DMGDH: variants seen among roughly 807,000 people sequenced by gnomAD.
DMGDH encodes the protein dimethylglycine dehydrogenase.
In DMGDH, 76 loss-of-function variants were observed where a neutral mutation model predicts 95.2. The ratio of observed to expected loss-of-function variants is 0.80; its 90% CI spans 0.66 to 0.97. The LOEUF is 0.97. Ranked by LOEUF, DMGDH falls within the 50% of genes least tolerant of loss-of-function variation. The pLI is 0.00. For missense variants in DMGDH, 987 were observed against 1,055.0 expected, an observed-to-expected ratio of 0.94 and a Z score of 0.89; for synonymous variants, 345 against 377.6, an observed-to-expected ratio of 0.91 and a Z score of 1.00.
chr5:79,043,345 G>A (rs550861923), intron 6 of DMGDH, among the ~76,000 whole-genome samples: 28 of 152,336 alleles, frequency 1.8e-4, no homozygotes, highest in Admixed American at 5.9e-4. Flanking sequence ...GAACAGCAGA[G>A]AGGGAGGCTC....
intron 12 of DMGDH, among the ~76,000 whole-genome samples, chr5:79,027,790 AAT>A (rs939922628): frequency 4.6e-5 from 7 of 151,872 alleles, no homozygotes; most frequent in African/African-American, 1.7e-4. Context: ...AATGTTCACA[AAT>A]AGAGTTGGCT....
At chr5:79,018,780 T>C (rs1376122631) in intron 14 of DMGDH, among the ~76,000 whole-genome samples, 1 of 152,220 alleles carries the variant, frequency 6.6e-6, no homozygotes, top group Non-Finnish European at 1.5e-5. Flanking sequence ...AGCAGTCAGC[T>C]AAACTTCACA....
chr5:79,033,165 G>T, intron 8 of DMGDH, 74 bp downstream of exon 8: 1 of 1,579,090 alleles, frequency 6.3e-7, no homozygotes. Flanking sequence ...ATAGAATAAA[G>T]ACCATCTAAA....
At chr5:79,068,694 C>G (rs1331912609) in intron 1 of DMGDH, among the ~76,000 whole-genome samples, 1 of 152,248 alleles carries the variant, frequency 6.6e-6, no homozygotes, top group African/African-American at 2.4e-5. Context: ...GATAAACAAG[C>G]CTTTCCTGGC....
intron 3 of DMGDH, among the ~76,000 whole-genome samples, 169 bp downstream of exon 3, chr5:79,055,641 T>C (rs2112664736): frequency 6.6e-6 from 1 of 152,226 alleles, no homozygotes; most frequent in East Asian, 1.9e-4. Context: ...GAAATTAAGT[T>C]GATTTTAAAG....
intron 13 of DMGDH, among the ~76,000 whole-genome samples, chr5:79,026,074 A>C (rs1327859358): frequency 6.6e-6 from 1 of 152,260 alleles, no homozygotes; most frequent in East Asian, 1.9e-4. Context: ...ACCAAAAGGT[A>C]TAAGATAAGA....
At chr5:79,067,304 T>C (rs532751231) in intron 1 of DMGDH, among the ~76,000 whole-genome samples, 1 of 152,350 alleles carries the variant, frequency 6.6e-6, no homozygotes, top group Admixed American at 6.5e-5. Context: ...ATGACCCAAC[T>C]ACTTTGGACG....
At chr5:79,036,297 G>A (rs1561219095) in intron 7 of DMGDH, among the ~76,000 whole-genome samples, 1 of 152,148 alleles carries the variant, frequency 6.6e-6, no homozygotes, top group African/African-American at 2.4e-5. Context: ...AGGACAATTA[G>A]GTTCTTCTTC....
chr5:79,062,858 C>A (rs1042704581), intron 2 of DMGDH, among the ~76,000 whole-genome samples: 1 of 152,138 alleles, frequency 6.6e-6, no homozygotes, highest in Admixed American at 6.6e-5. Context: ...CTTTGGGAGG[C>A]CAAGGCAGGC....
At chr5:79,060,045 C>T (rs1375644971) in intron 2 of DMGDH, among the ~76,000 whole-genome samples, 1 of 152,216 alleles carries the variant, frequency 6.6e-6, no homozygotes, top group Non-Finnish European at 1.5e-5. Flanking sequence ...AGGACACTCC[C>T]ACCATGAAGT....
At chr5:79,062,417 T>C (rs1039903485) in intron 2 of DMGDH, among the ~76,000 whole-genome samples, 6 of 148,998 alleles carry the variant, frequency 4.0e-5, no homozygotes, top group Non-Finnish European at 7.4e-5. Flanking sequence ...GAGCACATAC[T>C]AGATGTCAAA....
intron 5 of DMGDH, among the ~76,000 whole-genome samples, chr5:79,045,982 T>C (rs1754660096): frequency 6.6e-6 from 1 of 152,248 alleles, no homozygotes; most frequent in African/African-American, 2.4e-5. Context: ...TGGTCACACT[T>C]GTATAATGAA....
At chr5:79,058,438 A>G (rs537384555) in intron 2 of DMGDH, among the ~76,000 whole-genome samples, 1 of 152,330 alleles carries the variant, frequency 6.6e-6, no homozygotes, top group South Asian at 2.1e-4. Flanking sequence ...GAGAAGCCTG[A>G]AAGAAGGAGA....
Position 78,997,875 on chromosome 5 carries a change from T to G in DMGDH, c.*207A>C. On this transcript the variant is annotated 3_prime_UTR_variant, in exon 16 of 16. Coordinates refer to ENST00000255189, the MANE Select transcript of DMGDH (RefSeq NM_013391.3). ...AAAACATTCATTTCAAATTTCTTCA[T>G]TTAAAAGAACAATGTAAATCATTTA... is the stretch of plus-strand genomic sequence containing the variant. The G allele has an allele frequency of 1.7e-6, 1 of 601,404 alleles. No individual in the cohort carries two copies. The highest frequency in any genetic ancestry group is 2.1e-5 in the South Asian group (1 of 47,546). The allele number at this position is 601,404 out of a possible 1,614,324, so 37.3% of individuals were successfully genotyped here. A position where few individuals can be genotyped will look rare whatever the true frequency, so the allele number is the denominator to read the frequency against.
At chr5:79,020,432 T>C (rs1019494094) in intron 14 of DMGDH, among the ~76,000 whole-genome samples, 40 of 152,210 alleles carry the variant, frequency 2.6e-4, no homozygotes, top group African/African-American at 9.6e-4. Flanking sequence ...TTCTAGCTTG[T>C]TGTCTGTGAA....
rs1323781945 is a variant in DMGDH, at chr5:79,054,358, T to C, written c.376-10A>G. The C allele has an allele frequency of 6.2e-7, 1 of 1,613,908 alleles. No homozygotes were observed. The highest frequency in any genetic ancestry group is 1.1e-5 in the South Asian group (1 of 91,068). ...GATGGAATCCCACCACCTGTGACAA[T>C]AATTCCAGTGAGAGCATATAAATAA... On this transcript the variant is annotated splice_polypyrimidine_tract_variant and intron_variant, in intron 3 of 15. Coordinates refer to ENST00000255189, the MANE Select transcript of DMGDH (RefSeq NM_013391.3).
At chr5:79,018,305 C>T (rs1753780793) in intron 14 of DMGDH, among the ~76,000 whole-genome samples, 1 of 152,176 alleles carries the variant, frequency 6.6e-6, no homozygotes, top group African/African-American at 2.4e-5. Context: ...TCCCAAAGTG[C>T]TGGGATTACA....
At chr5:79,029,704 T>C (rs1302715148) in intron 11 of DMGDH, among the ~76,000 whole-genome samples, 200 bp downstream of exon 11, 1 of 152,210 alleles carries the variant, frequency 6.6e-6, no homozygotes, top group Non-Finnish European at 1.5e-5. Flanking sequence ...ACAAGTAACC[T>C]ATGGATGAAT....
chr5:79,063,615 C>T lies in DMGDH; in HGVS notation c.274G>A (p.Ala92Thr), dbSNP rs141429346. ...SELTAGSTWH[A>T]AGLTTYFHPG... ...ACAGTTTGGGGTGCTTTTCTTACTG[C>T]GTGCCAGGTAGATCCAGCCGTGAGC... The change falls in exon 2 of 16, where the codon GCA becomes ACA. Residue 92 changes from alanine to threonine, a missense_variant and splice_region_variant. Coordinates refer to ENST00000255189, the MANE Select transcript of DMGDH (RefSeq NM_013391.3). 1.5e-5 allele frequency: 25 copies of T among 1,614,146 alleles called. No homozygotes were observed. The highest frequency in any genetic ancestry group is 3.3e-4 in the Middle Eastern group (2 of 6,062).
Sources: allele counts gnomAD v4.1 joint callset (sites outside exome capture counted in the v4.1 genomes callset), GRCh38; gene constraint gnomAD v4.1.1; transcripts MANE v1.5; gene names NCBI Gene and HGNC (gene_info 2026-07-23, HGNC 2026-07-21).